RTF2: variants seen among roughly 807,000 people sequenced by gnomAD.
RTF2 encodes UPF0549 protein C20orf43.
A neutral mutation model predicts 38.0 loss-of-function variants in RTF2; 18 were observed. The ratio of observed to expected loss-of-function variants is 0.47; its 90% CI spans 0.33 to 0.70. The LOEUF is 0.70. Among genes scored for constraint, RTF2 ranks in the 30% least tolerant of loss-of-function variants. The pLI is 0.02. For missense variants in RTF2, 311 were observed against 379.6 expected (o/e 0.82, Z 1.50); for synonymous variants, 126 against 137.1 (o/e 0.92, Z 0.57).
At chr20:56,485,002 C>T (rs1273470738) in intron 5 of RTF2, among the ~76,000 whole-genome samples, 1 of 152,166 alleles carries the variant, frequency 6.6e-6, no homozygotes, top group African/African-American at 2.4e-5. Flanking sequence ...ATCGTCTCTT[C>T]TAGGCACTGA....
At chr20:56,484,893 T>TG (rs11086546) in intron 5 of RTF2, among the ~76,000 whole-genome samples, 126,144 of 152,066 alleles carry the variant, frequency 0.83, 52,543 homozygotes, top group East Asian at 0.99. Context: ...GACTGTATTT[T>TG]CCTGTATCAA....
chr20:56,497,313 G>T (rs1983612048), intron 5 of RTF2: 1 of 1,550,460 alleles, frequency 6.4e-7, no homozygotes, highest in Admixed American at 2.0e-5. Flanking sequence ...CAGGGGTCTG[G>T]TTATGAAATG....
intron 5 of RTF2, among the ~76,000 whole-genome samples, chr20:56,512,558 A>G (rs1984742721): frequency 1.3e-5 from 2 of 152,106 alleles, no homozygotes. Flanking sequence ...CGTTTCTACC[A>G]CCACAACACT....
intron 4 of RTF2, among the ~76,000 whole-genome samples, chr20:56,483,750 C>A (rs772720871): frequency 3.9e-5 from 6 of 152,160 alleles, no homozygotes; most frequent in Non-Finnish European, 5.9e-5. Flanking sequence ...GTACGAACTG[C>A]ATGTTAGTCC....
At chr20:56,514,939 G>A (rs1984924907) in intron 6 of RTF2, among the ~76,000 whole-genome samples, 1 of 151,736 alleles carries the variant, frequency 6.6e-6, no homozygotes, top group African/African-American at 2.4e-5. Context: ...GCCAGCTACT[G>A]GGGAGACTGA....
chr20:56,474,618 C>A, intron 2 of RTF2, 60 bp from the exon 3 acceptor site: 3 of 1,053,982 alleles, frequency 2.8e-6, no homozygotes, highest in Non-Finnish European at 4.1e-6. Flanking sequence ...GTTTATTCTT[C>A]CTTCTTTGGT....
At chr20:56,508,951 G>A (rs185246610) in intron 5 of RTF2, among the ~76,000 whole-genome samples, 6 of 152,064 alleles carry the variant, frequency 3.9e-5, no homozygotes, top group Non-Finnish European at 8.8e-5. Flanking sequence ...CACAATCTTG[G>A]GTTAGGCGAT....
chr20:56,476,325 G>A lies in RTF2; in HGVS notation c.259-660G>A, dbSNP rs1347195536. On this transcript the variant is annotated intron_variant, in intron 3 of 8. Coordinates refer to ENST00000357348, the MANE Select transcript of RTF2 (RefSeq NM_016407.5). ...AGTAACATGAAGCAGCCTCAGAGAG[G>A]ATTCATCACAGGGAGAAAGCATTCC... is the stretch of plus-strand genomic sequence containing the variant. 3.9e-5 allele frequency among the ~76,000 whole-genome samples: 6 copies of A among 152,108 alleles called. No homozygotes were observed. The East Asian group carries it at 9.6e-4, about 24-fold the overall frequency.
intron 5 of RTF2, among the ~76,000 whole-genome samples, chr20:56,509,580 T>G (rs1346528594): frequency 6.9e-6 from 1 of 145,932 alleles, no homozygotes; most frequent in African/African-American, 2.6e-5. Flanking sequence ...GCCACTGGAC[T>G]GCAGCCTGGC....
In RTF2 at chr20:56,505,799, G is replaced by A. The variant is rs1221190192; in HGVS notation, c.478-7516G>A. ...CACCCATTTCTATTGGTAATAAATG[G>A]ACAAAGGGTAAATCGGCTTTATGTA... On this transcript the variant is annotated intron_variant, in intron 5 of 8. Coordinates refer to ENST00000357348, the MANE Select transcript of RTF2 (RefSeq NM_016407.5). Among the ~76,000 whole-genome samples, 3 of 152,086 alleles carry A rather than the reference G, an allele frequency of 2.0e-5. No individual in the cohort carries two copies. In the East Asian group the frequency reaches 5.8e-4, roughly 29 times the overall value.
intron 2 of RTF2, 50 bp downstream of exon 2, chr20:56,473,445 A>G (rs1205501001): frequency 7.4e-7 from 1 of 1,343,098 alleles, no homozygotes; most frequent in East Asian, 2.3e-5. Context: ...GATTTTGAGA[A>G]TTTTGATGTG....
In RTF2 at chr20:56,516,907, G is replaced by A. The variant is rs200847767; in HGVS notation, c.592-28G>A. 2.0e-5 allele frequency: 32 copies of A among 1,610,604 alleles called. No individual in the cohort carries two copies. The East Asian group carries it at 6.0e-4, about 30-fold the overall frequency. On this transcript the variant is annotated intron_variant, in intron 6 of 8. Transcript: ENST00000357348. The stretch of plus-strand genomic sequence containing the variant: ...CTGAAGTGGAGTGAATCTGAGCACA[G>A]CCTCCAACATTCTCTATCTTTTTGT...
intron 5 of RTF2, chr20:56,504,023 G>T (rs1984101408): frequency 6.6e-6 from 1 of 152,260 alleles, no homozygotes; most frequent in South Asian, 2.1e-4. Context: ...CTTTGCCATT[G>T]GTGGGTCCTG....
At chr20:56,470,097 A>G (rs1364062379) in intron 1 of RTF2, among the ~76,000 whole-genome samples, 3 of 152,192 alleles carry the variant, frequency 2.0e-5, no homozygotes, top group African/African-American at 7.2e-5. Flanking sequence ...CACATAATAG[A>G]CACCTAATAA....
At position 56,515,035 on chromosome 20, in the gene RTF2, T is replaced by TA. The variant is rs577137134; in HGVS notation, c.591+1622dup. On this transcript the variant is annotated intron_variant, in intron 6 of 8. Transcript: ENST00000357348. Reference sequence around the variant, plus strand: ...GCACTCCAGCCTGACAGACTCCCTCTAAAAAAAAAAAAAAAGCCGCTTGGC... The same window carrying TA: ...GCACTCCAGCCTGACAGACTCCCTCTAAAAAAAAAAAAAAAAGCCGCTTGGC... Among the ~76,000 whole-genome samples, 1,230 of 124,000 alleles carry TA rather than the reference T, an allele frequency of 9.9e-3. 10 individuals carry two copies. Among genetic ancestry groups the TA allele is most frequent in the African/African-American group, 0.022 (748 of 33,528 alleles). The allele number at this position is 124,000 out of a possible 152,430, so 81.3% of individuals were successfully genotyped here.
At chr20:56,486,512 G>T (rs1279616938) in intron 5 of RTF2, among the ~76,000 whole-genome samples, 2 of 152,086 alleles carry the variant, frequency 1.3e-5, no homozygotes, top group Non-Finnish European at 2.9e-5. Flanking sequence ...AGCTGGGTGT[G>T]GTGGCACGCG....
intron 5 of RTF2, chr20:56,495,279 G>A: frequency 3.9e-6 from 6 of 1,551,432 alleles, no homozygotes; most frequent in Non-Finnish European, 4.4e-6. Context: ...GCCAGCGTTT[G>A]GTGTAGCACC....
chr20:56,500,969 C>CT lies in RTF2; in HGVS notation c.478-12336dup, dbSNP rs941844166. 1.0e-4 allele frequency among the ~76,000 whole-genome samples: 15 copies of CT among 150,668 alleles called. No individual in the cohort carries two copies. In the South Asian group the frequency reaches 1.3e-3, roughly 13 times the overall value. ...TAGAGACAAGGTTTTGCCACACAAGCTTTTTTTTTTAAAAAAAATCTTTTA... is the reference window on the plus strand; with the variant it reads ...TAGAGACAAGGTTTTGCCACACAAGCTTTTTTTTTTTAAAAAAAATCTTTTA... On this transcript the variant is annotated intron_variant, in intron 5 of 8. Transcript: ENST00000357348.
At chr20:56,496,828 G>C (rs752686847) in intron 5 of RTF2, 2 of 1,551,804 alleles carry the variant, frequency 1.3e-6, no homozygotes, top group South Asian at 1.2e-5. Context: ...CTGTTATTTG[G>C]AGGTGCATAG....
Sources: allele counts gnomAD v4.1 joint callset (sites outside exome capture counted in the v4.1 genomes callset), GRCh38; gene constraint gnomAD v4.1.1; transcripts MANE v1.5; gene names NCBI Gene and HGNC (gene_info 2026-07-23, HGNC 2026-07-21).